ATP13A5: variants seen among roughly 807,000 people sequenced by gnomAD.
The protein encoded by ATP13A5 is probable cation-transporting ATPase 13A5.
ATP13A5 carries 149 observed loss-of-function variants against 150.2 expected under a neutral mutation model. That is an observed-to-expected ratio of 0.99 (90% CI 0.87 to 1.14). The LOEUF is 1.14. ATP13A5 is among the 50% of genes most tolerant of loss of function. ATP13A5 has a pLI of 0.00. For missense variants in ATP13A5, 1,383 were observed against 1,449.3 expected (o/e 0.95, Z 0.74); for synonymous variants, 497 against 522.2 (o/e 0.95, Z 0.66).
At chr3:193,277,399 A>T (rs1717269083) in intron 28 of ATP13A5, among the ~76,000 whole-genome samples, 1 of 152,164 alleles carries the variant, frequency 6.6e-6, no homozygotes, top group South Asian at 2.1e-4. Context: ...TGCTTATTTA[A>T]AGTGTGAGAG....
chr3:193,283,975 T>G (rs992264110), intron 27 of ATP13A5, among the ~76,000 whole-genome samples: 1 of 149,316 alleles, frequency 6.7e-6, no homozygotes, highest in African/African-American at 2.5e-5. Flanking sequence ...TCAGTAATGA[T>G]GGGGCATATT....
At chr3:193,345,179 C>T (rs1712289105) in intron 7 of ATP13A5, 104 bp from the exon 8 acceptor site, 1 of 1,115,350 alleles carries the variant, frequency 9.0e-7, no homozygotes, top group Non-Finnish European at 1.4e-6. Flanking sequence ...GCTAAAGTGA[C>T]TCTGGGCAAA....
At chr3:193,348,306 T>C (rs1301841409) in intron 7 of ATP13A5, among the ~76,000 whole-genome samples, 4 of 152,198 alleles carry the variant, frequency 2.6e-5, no homozygotes, top group Non-Finnish European at 5.9e-5. Context: ...CATCTGTTGC[T>C]ACGTGCCCTT....
chr3:193,318,144 A>T (rs1361029729), intron 17 of ATP13A5, among the ~76,000 whole-genome samples: 1 of 152,230 alleles, frequency 6.6e-6, no homozygotes, highest in African/African-American at 2.4e-5. Context: ...ATGGTGAAAC[A>T]AGCACAGAGT....
At chr3:193,366,138 T>A (rs1439863101) in intron 1 of ATP13A5, among the ~76,000 whole-genome samples, 1 of 152,044 alleles carries the variant, frequency 6.6e-6, no homozygotes, top group Non-Finnish European at 1.5e-5. Context: ...TGGAGCATAC[T>A]GTGATGTAGA....
chr3:193,363,523 A>AT, intron 2 of ATP13A5, 141 bp from the exon 3 acceptor site: 1 of 744,248 alleles, frequency 1.3e-6, no homozygotes, highest in Non-Finnish European at 2.1e-6. Context: ...AGAAATGCAA[A>AT]TTCTCAGCCC....
intron 25 of ATP13A5, among the ~76,000 whole-genome samples, chr3:193,298,599 T>C (rs143098821): frequency 4.9e-4 from 75 of 152,268 alleles, no homozygotes; most frequent in Non-Finnish European, 5.9e-5. Flanking sequence ...TTATCACTTA[T>C]TAAGAGTCAG....
intron 9 of ATP13A5, among the ~76,000 whole-genome samples, chr3:193,335,463 T>C (rs1336371641): frequency 1.3e-5 from 2 of 152,206 alleles, no homozygotes; most frequent in Non-Finnish European, 2.9e-5. Context: ...GTAATTACTA[T>C]TTGCTTTGCA....
At chr3:193,305,759 G>T (rs1718588800) in intron 22 of ATP13A5, 91 bp from the exon 23 acceptor site, 2 of 1,048,256 alleles carry the variant, frequency 1.9e-6, no homozygotes, top group Non-Finnish European at 1.5e-6. Context: ...CATCATAAAG[G>T]TATAACACTG....
At chr3:193,333,946 A>G in intron 10 of ATP13A5, 39 bp from the exon 11 acceptor site, 2 of 1,585,280 alleles carry the variant, frequency 1.3e-6, no homozygotes, top group East Asian at 2.3e-5. Context: ...AGGCTGCTTG[A>G]TGGACACTTG....
chr3:193,292,883 T>C (rs1718025495), intron 25 of ATP13A5, among the ~76,000 whole-genome samples: 1 of 152,130 alleles, frequency 6.6e-6, no homozygotes, highest in South Asian at 2.1e-4. Flanking sequence ...TTTTCCATGT[T>C]AGAGACTCTT....
intron 25 of ATP13A5, among the ~76,000 whole-genome samples, chr3:193,290,811 A>G (rs1717922449): frequency 6.6e-6 from 1 of 152,180 alleles, no homozygotes; most frequent in Non-Finnish European, 1.5e-5. Context: ...AGCTACATAT[A>G]TGAACATGCT....
intron 3 of ATP13A5, 97 bp from the exon 4 acceptor site, chr3:193,362,734 G>C (rs1460544589): frequency 1.1e-6 from 1 of 934,722 alleles, no homozygotes; most frequent in Non-Finnish European, 1.7e-6. Flanking sequence ...TCCCCTTGTG[G>C]GTCTCACTTG....
chr3:193,307,401 G>A (rs1336775199), intron 21 of ATP13A5, 32 bp from the exon 22 acceptor site: 1 of 1,612,294 alleles, frequency 6.2e-7, no homozygotes, highest in African/African-American at 1.3e-5. Flanking sequence ...GGATTAATAG[G>A]TAAGAAAAAT....
Position 193,328,969 on chromosome 3 carries a change from G to A in ATP13A5, c.1462-1912C>T, listed in dbSNP as rs149723564. Among the ~76,000 whole-genome samples the A allele has an allele frequency of 7.1e-4, 108 of 152,290 alleles. No homozygotes were observed. The East Asian group carries it at 0.014, about 20-fold the overall frequency. On this transcript the variant is annotated intron_variant, in intron 12 of 29. Transcript: ENST00000342358. ...TTAAAAAGTCACACAGAGATGGGCC[G>A]GGCACGGTGGCTCACGCCTGTAATC...
intron 11 of ATP13A5, among the ~76,000 whole-genome samples, chr3:193,333,235 C>G (rs941057682): frequency 7.9e-5 from 12 of 151,932 alleles, no homozygotes; most frequent in Non-Finnish European, 1.6e-4. Flanking sequence ...AATTAAGCCA[C>G]TCACAGTTTT....
intron 27 of ATP13A5, among the ~76,000 whole-genome samples, chr3:193,282,862 A>G (rs1012997955): frequency 2.0e-5 from 3 of 152,258 alleles, no homozygotes; most frequent in Admixed American, 2.0e-4. Flanking sequence ...GGGAAATTTT[A>G]AAAGCCTGGC....
At position 193,322,495 on chromosome 3, in the gene ATP13A5, C is replaced by G; in HGVS notation, c.1754G>C (p.Ser585Thr). 6.2e-7 allele frequency: 1 copy of G among 1,612,302 alleles called. No individual in the cohort carries two copies. Among genetic ancestry groups the G allele is most frequent in the Non-Finnish European group, 8.5e-7 (1 of 1,178,460 alleles). ...SNIIKPGPKA[S>T]KSPVEAIITL... The stretch of plus-strand genomic sequence containing the variant: ...ATGTAAAGAAGGAAATCATACCTTA[C>G]TGGCTTTTGGTCCTGGTTTTATGAT... The change falls in exon 15 of 30, where the codon AGT becomes ACT. Residue 585 changes from serine (S) to threonine (T), a missense_variant. Ser to Thr is a moderately conservative substitution (Grantham distance 58). Coordinates refer to ENST00000342358, the MANE Select transcript of ATP13A5 (RefSeq NM_198505.4).
chr3:193,288,539 G>C (rs1036291172), intron 26 of ATP13A5, among the ~76,000 whole-genome samples: 1 of 151,934 alleles, frequency 6.6e-6, no homozygotes, highest in Non-Finnish European at 1.5e-5. Context: ...TGAAATTAAG[G>C]CATGTACTTT....
Sources: allele counts gnomAD v4.1 joint callset (sites outside exome capture counted in the v4.1 genomes callset), GRCh38; gene constraint gnomAD v4.1.1; transcripts MANE v1.5; gene names NCBI Gene and HGNC (gene_info 2026-07-23, HGNC 2026-07-21).